Variants in ENTREP2 observed in about 807,000 individuals in gnomAD.
The protein encoded by ENTREP2 is protein ENTREP2.
the ENTREP2 span, among the ~76,000 whole-genome samples, chr15:29,589,950 C>T: frequency 1.3e-5 from 2 of 152,204 alleles, no homozygotes; most frequent in African/African-American, 4.8e-5. Context: ...AATGCACTCT[C>T]ACCATTCAGA....
the ENTREP2 span, among the ~76,000 whole-genome samples, chr15:29,368,923 G>A: frequency 8.6e-5 from 13 of 151,962 alleles, no homozygotes; most frequent in African/African-American, 9.7e-5. Context: ...TGAAAAGTAC[G>A]ATAACTCAAA....
chr15:29,394,818 C>T, the ENTREP2 span, among the ~76,000 whole-genome samples: 2 of 150,658 alleles, frequency 1.3e-5, no homozygotes, highest in Non-Finnish European at 2.9e-5. Context: ...CCTTTTGTGA[C>T]AGGCTTCTAT....
chr15:29,306,664 ATTTTTTTTTTTTT>A, the ENTREP2 span, among the ~76,000 whole-genome samples: 566 of 77,112 alleles, frequency 7.3e-3, 3 homozygotes, highest in Admixed American at 0.013. Context: ...ATAATTGGTA[ATTTTTTTTTTTTT>A]TTTTTTTTTT....
At chr15:29,261,578 A>C in the ENTREP2 span, among the ~76,000 whole-genome samples, 3 of 152,214 alleles carry the variant, frequency 2.0e-5, no homozygotes, top group Non-Finnish European at 4.4e-5. Context: ...CACTTGGAAC[A>C]TACCAAAAGC....
the ENTREP2 span, among the ~76,000 whole-genome samples, chr15:29,657,167 C>G: frequency 6.6e-6 from 1 of 152,112 alleles, no homozygotes; most frequent in African/African-American, 2.4e-5. Context: ...CCTGCCTCCT[C>G]CTCCTGAGCA....
the ENTREP2 span, among the ~76,000 whole-genome samples, chr15:29,416,375 T>C: frequency 6.6e-6 from 1 of 152,174 alleles, no homozygotes; most frequent in Non-Finnish European, 1.5e-5. Context: ...TTGACTAACC[T>C]GACAAAAACG....
chr15:29,501,161 T>TA, the ENTREP2 span, among the ~76,000 whole-genome samples: 1 of 152,108 alleles, frequency 6.6e-6, no homozygotes, highest in African/African-American at 2.4e-5. Context: ...CTCAAACTCT[T>TA]ACAAAGAGTA....
At chr15:29,626,896 A>G in the ENTREP2 span, among the ~76,000 whole-genome samples, 1 of 152,236 alleles carries the variant, frequency 6.6e-6, no homozygotes, top group Non-Finnish European at 1.5e-5. Context: ...ACAATAAAAA[A>G]ACAAATAAAA....
the ENTREP2 span, among the ~76,000 whole-genome samples, chr15:29,237,207 G>A: frequency 6.6e-6 from 1 of 152,178 alleles, no homozygotes; most frequent in African/African-American, 2.4e-5. Flanking sequence ...GTTTTTCACT[G>A]TTGAATTTTG....
chr15:29,178,293 T>TA, the ENTREP2 span, among the ~76,000 whole-genome samples: 7,035 of 111,264 alleles, frequency 0.063, 375 homozygotes, highest in African/African-American at 0.16. Context: ...GAACCTGTCT[T>TA]AAAAAAAAAA....
At chr15:29,190,359 T>TAAA in the ENTREP2 span, among the ~76,000 whole-genome samples, 1 of 140,264 alleles carries the variant, frequency 7.1e-6, no homozygotes, top group Non-Finnish European at 1.6e-5. Context: ...GGTTCTCTGC[T>TAAA]AAAAAAAAAA....
the ENTREP2 span, among the ~76,000 whole-genome samples, chr15:29,342,776 C>G: frequency 3.9e-5 from 6 of 152,242 alleles, no homozygotes; most frequent in Admixed American, 2.6e-4. Context: ...TTTCTGTGAG[C>G]TCTCTGACCC....
chr15:29,269,925 C>G, the ENTREP2 span: 1 of 489,638 alleles, frequency 2.0e-6, no homozygotes, highest in African/African-American at 2.0e-5. Flanking sequence ...CCGTGCAGCC[C>G]TGCAGGTCCG....
chr15:29,285,059 A>G, the ENTREP2 span, among the ~76,000 whole-genome samples: 38 of 152,344 alleles, frequency 2.5e-4, no homozygotes, highest in African/African-American at 8.4e-4. Context: ...TCCAGGTGGG[A>G]TGAGATGAAG....
At chr15:29,306,524 C>T in the ENTREP2 span, among the ~76,000 whole-genome samples, 281 of 152,148 alleles carry the variant, frequency 1.8e-3, 1 homozygote, top group African/African-American at 6.1e-3. Flanking sequence ...TTTTAATTAA[C>T]TTTTATAATT....
the ENTREP2 span, among the ~76,000 whole-genome samples, chr15:29,661,670 C>G: frequency 6.6e-6 from 1 of 152,134 alleles, no homozygotes. Context: ...TACACACATA[C>G]ACACACATTT....
At chr15:29,590,128 G>A in the ENTREP2 span, among the ~76,000 whole-genome samples, 1 of 152,178 alleles carries the variant, frequency 6.6e-6, no homozygotes, top group Admixed American at 6.5e-5. Context: ...GGTTTGAAGA[G>A]ATATGGTGTT....
At chr15:29,119,049 C>G in the ENTREP2 span, among the ~76,000 whole-genome samples, 2 of 152,164 alleles carry the variant, frequency 1.3e-5, no homozygotes, top group African/African-American at 2.4e-5. Context: ...TTACTCTCAC[C>G]TAGCCGCCCA....
the ENTREP2 span, among the ~76,000 whole-genome samples, chr15:29,141,652 G>A: frequency 6.6e-6 from 1 of 152,210 alleles, no homozygotes; most frequent in Non-Finnish European, 1.5e-5. Flanking sequence ...CCTGGCTCCT[G>A]AAGGGAGCAC....
Sources: gnomAD v4.1 joint callset for allele counts (sites outside exome capture counted in the v4.1 genomes callset) on GRCh38, gnomAD v4.1.1 for gene constraint, MANE v1.5 for transcripts, NCBI Gene and HGNC (gene_info 2026-07-23, HGNC 2026-07-21) for gene names.